Variants in SPACA6 observed in about 807,000 individuals in gnomAD.
The protein encoded by SPACA6 is sperm acrosome associated 6, also known as sperm acrosome membrane-associated protein 6.
For missense variants in SPACA6, 8 were observed against 2.8 expected (o/e 2.88, Z -1.34); for synonymous variants, 6 against 1.5 (o/e 4.05, Z -2.21).
intron 2 of SPACA6, among the ~76,000 whole-genome samples, chr19:51,701,401 G>C (rs2083467453): frequency 6.6e-6 from 1 of 152,150 alleles, no homozygotes. Context: ...ATCCTGGAGA[G>C]ATTCAGGAGG....
chr19:51,696,472 G>GGGTCT, intron 2 of SPACA6, among the ~76,000 whole-genome samples: 1 of 152,114 alleles, frequency 6.6e-6, no homozygotes, highest in African/African-American at 2.4e-5. Context: ...TTTTGAGATA[G>GGGTCT]GGTCTCACTT....
At chr19:51,695,015 T>G (rs2083416915) in intron 2 of SPACA6, among the ~76,000 whole-genome samples, 1 of 152,162 alleles carries the variant, frequency 6.6e-6, no homozygotes, top group African/African-American at 2.4e-5. Context: ...CATCTTCCTC[T>G]AGGATAGAAC....
upstream of SPACA6, chr19:51,688,240 C>T (rs1254250874): frequency 1.3e-5 from 2 of 152,772 alleles, no homozygotes; most frequent in African/African-American, 4.8e-5. Context: ...GACTTAAGGG[C>T]TTTGTTGTCC....
intron 2 of SPACA6, 88 bp from the exon 3 acceptor site, chr19:51,701,555 GGCCAGCCTAGCCCTA>G (rs746519278): frequency 3.0e-4 from 120 of 393,658 alleles, no homozygotes; most frequent in Non-Finnish European, 4.9e-4. Flanking sequence ...TGTGAGCTAG[GGCCAGCCTAGCCCTA>G]GCCAGGCTAG....
At chr19:51,705,012 C>T (rs1462550336) in intron 8 of SPACA6, 78 bp from the exon 9 acceptor site, 1 of 255,470 alleles carries the variant, frequency 3.9e-6, no homozygotes, top group Non-Finnish European at 6.2e-6. Context: ...CCTTTTTGAC[C>T]CTGGTGTCCA....
At chr19:51,699,086 C>T (rs191255247) in intron 2 of SPACA6, among the ~76,000 whole-genome samples, 2 of 152,298 alleles carry the variant, frequency 1.3e-5, no homozygotes, top group African/African-American at 4.8e-5. Context: ...TCATAGCTCA[C>T]TACAGCCTTG....
At chr19:51,690,853 G>A (rs2122182553), upstream of SPACA6, among the ~76,000 whole-genome samples, 1 of 149,200 alleles carries the variant, frequency 6.7e-6, no homozygotes, top group East Asian at 2.1e-4. Context: ...CAGGCCCCAG[G>A]CAGCCCCGGG....
At chr19:51,710,177 G>A (rs937882860), downstream of SPACA6, among the ~76,000 whole-genome samples, 3 of 152,240 alleles carry the variant, frequency 2.0e-5, no homozygotes, top group East Asian at 3.9e-4. Flanking sequence ...CATCATAGAG[G>A]CCTATGTGAG....
chr19:51,704,046 T>TAG lies in SPACA6; in HGVS notation c.590_591insAG (p.Ser198GlyfsTer31), dbSNP rs1183787138. On this transcript the variant is annotated frameshift_variant, in exon 7 of 9. Coordinates refer to ENST00000637797, the MANE Select transcript of SPACA6 (RefSeq NM_001316972.2). LOFTEE classifies it high-confidence loss of function. ...GTCCCGCAGCTCCGGACTCAGGACT[T>TAG]GTCCTATTTCCGAGATATGCCGCGG... The TAG allele has an allele frequency of 1.2e-5, 5 of 400,972 alleles. No homozygotes were observed. The highest frequency in any genetic ancestry group is 2.2e-5 in the Non-Finnish European group (5 of 226,220). The allele number at this position is 400,972 out of a possible 1,614,324, so 24.8% of individuals were successfully genotyped here. A position where few individuals can be genotyped will look rare whatever the true frequency, so the allele number is the denominator to read the frequency against.
intron 2 of SPACA6, 120 bp downstream of exon 2, chr19:51,694,675 G>A (rs1177190597): frequency 7.5e-6 from 3 of 397,908 alleles, no homozygotes; most frequent in Non-Finnish European, 1.3e-5. Context: ...ATCCGGGAGG[G>A]GAAAGCTGGG....
chr19:51,709,859 T>A (rs947945517), downstream of SPACA6, among the ~76,000 whole-genome samples: 5 of 152,116 alleles, frequency 3.3e-5, no homozygotes, highest in Non-Finnish European at 5.9e-5. Context: ...TCAGTGGGAT[T>A]TGCTGATGGT....
At chr19:51,701,083 G>T (rs111783391) in intron 2 of SPACA6, among the ~76,000 whole-genome samples, 3,617 of 152,210 alleles carry the variant, frequency 0.024, 78 homozygotes, top group African/African-American at 0.059. Context: ...TTAGCCAGGC[G>T]TGGTGGTGCA....
At chr19:51,690,943 C>T (rs1008340044), upstream of SPACA6, among the ~76,000 whole-genome samples, 4 of 151,984 alleles carry the variant, frequency 2.6e-5, no homozygotes, top group African/African-American at 9.7e-5. Flanking sequence ...CTCCCTTCCC[C>T]TTCCTCCCCA....
chr19:51,690,670 C>T (rs1286773189), upstream of SPACA6, among the ~76,000 whole-genome samples: 3 of 152,100 alleles, frequency 2.0e-5, no homozygotes, highest in Non-Finnish European at 4.4e-5. Context: ...GGCTATGGGC[C>T]CAGGGAGTTC....
At chr19:51,701,176 C>T (rs1451649463) in intron 2 of SPACA6, among the ~76,000 whole-genome samples, 4 of 152,154 alleles carry the variant, frequency 2.6e-5, no homozygotes, top group African/African-American at 9.6e-5. Context: ...GAGCCGAGAT[C>T]GCACCACTGC....
chr19:51,699,207 A>G (rs2083450939), intron 2 of SPACA6, among the ~76,000 whole-genome samples: 1 of 152,000 alleles, frequency 6.6e-6, no homozygotes, highest in Non-Finnish European at 1.5e-5. Flanking sequence ...TGGTGTCTGG[A>G]TATGTTGCCC....
downstream of SPACA6, among the ~76,000 whole-genome samples, chr19:51,708,123 C>G (rs988574956): frequency 6.6e-6 from 1 of 152,124 alleles, no homozygotes; most frequent in Non-Finnish European, 1.5e-5. Context: ...CTCCAAGCTC[C>G]TAATCATAGC....
At chr19:51,707,162 G>A (rs116003597), downstream of SPACA6, among the ~76,000 whole-genome samples, 1,113 of 151,756 alleles carry the variant, frequency 7.3e-3, 13 homozygotes, top group African/African-American at 0.025. Flanking sequence ...GAGACAAAAA[G>A]TTTGTACAGT....
chr19:51,687,041 C>A (rs765001951), upstream of SPACA6: 13 of 152,234 alleles, frequency 8.5e-5, no homozygotes, highest in Non-Finnish European at 1.3e-4. Flanking sequence ...GTGGGAGGAT[C>A]ACTTGAGGTC....
Sources: gnomAD v4.1 joint callset for allele counts (sites outside exome capture counted in the v4.1 genomes callset) on GRCh38, gnomAD v4.1.1 for gene constraint, MANE v1.5 for transcripts, NCBI Gene and HGNC (gene_info 2026-07-23, HGNC 2026-07-21) for gene names.